Variants in EXOC2 observed in about 807,000 individuals in gnomAD.
EXOC2 encodes the protein SEC5-like 1.
A neutral mutation model predicts 131.8 loss-of-function variants in EXOC2; 70 were observed. The ratio of observed to expected loss-of-function variants is 0.53; its 90% CI spans 0.44 to 0.65. EXOC2 has a LOEUF of 0.65. Ranked by LOEUF, EXOC2 falls within the 30% of genes least tolerant of loss-of-function variation. The pLI, the probability that EXOC2 is intolerant of heterozygous loss-of-function variation, is 0.00. For missense variants in EXOC2, 923 were observed against 1,108.6 expected (o/e 0.83, Z 2.38); for synonymous variants, 411 against 398.4 (o/e 1.03, Z -0.38).
At chr6:546,898 C>T (rs144861790) in intron 22 of EXOC2, among the ~76,000 whole-genome samples, 1 of 152,286 alleles carries the variant, frequency 6.6e-6, no homozygotes, top group Non-Finnish European at 1.5e-5. Context: ...GGGTTGGCAC[C>T]CCAACCTCTG....
chr6:564,432 A>C, intron 15 of EXOC2, 113 bp downstream of exon 15: 1 of 1,431,832 alleles, frequency 7.0e-7, no homozygotes, highest in Non-Finnish European at 9.5e-7. Flanking sequence ...GTGGAGGCAA[A>C]AGGACAAAAA....
chr6:684,162 AGGGAGAAGGATGAGGTTAGGGAGG>A (rs1442636992), intron 1 of EXOC2, among the ~76,000 whole-genome samples: 1 of 151,896 alleles, frequency 6.6e-6, no homozygotes, highest in Non-Finnish European at 1.5e-5. Flanking sequence ...CAGCCCAGAG[AGGGAGAAGGATGAGGTTAGGGAGG>A]GGGAGACAGG....
intron 17 of EXOC2, among the ~76,000 whole-genome samples, chr6:558,065 G>A (rs1286839588): frequency 2.0e-5 from 3 of 152,156 alleles, no homozygotes; most frequent in African/African-American, 7.2e-5. Context: ...AAGCAGTTGT[G>A]TGCAAAACAC....
chr6:563,186 T>A (rs1217617988), intron 16 of EXOC2, among the ~76,000 whole-genome samples: 1 of 152,194 alleles, frequency 6.6e-6, no homozygotes, highest in Non-Finnish European at 1.5e-5. Flanking sequence ...CATACAGTAT[T>A]TTTTTTCCTA....
intron 17 of EXOC2, among the ~76,000 whole-genome samples, chr6:562,058 G>A (rs914759709): frequency 6.6e-6 from 1 of 152,308 alleles, no homozygotes; most frequent in Non-Finnish European, 1.5e-5. Context: ...GCCAGGCCAC[G>A]AGTGACCCCG....
intron 22 of EXOC2, among the ~76,000 whole-genome samples, chr6:534,527 T>C (rs4960043): frequency 0.48 from 72,973 of 152,130 alleles, 20,169 homozygotes; most frequent in South Asian, 0.71. Context: ...AGAACTGGTC[T>C]GACGTCAGAT....
chr6:656,513 G>C, intron 1 of EXOC2: 1 of 1,604,352 alleles, frequency 6.2e-7, no homozygotes, highest in Non-Finnish European at 8.5e-7. Context: ...GCGGCAGGCA[G>C]TCCCGCCACA....
chr6:673,868 T>C (rs181687461), intron 1 of EXOC2, among the ~76,000 whole-genome samples: 33 of 152,298 alleles, frequency 2.2e-4, no homozygotes, highest in Admixed American at 1.8e-3. Context: ...GGAAAAATGA[T>C]GCTGAGACAC....
chr6:500,294 T>A (rs919931784), intron 23 of EXOC2, among the ~76,000 whole-genome samples: 2 of 152,226 alleles, frequency 1.3e-5, no homozygotes, highest in African/African-American at 4.8e-5. Flanking sequence ...TGAATTTGAT[T>A]CTGTAAGCAA....
intron 22 of EXOC2, among the ~76,000 whole-genome samples, chr6:537,479 C>G (rs1020456557): frequency 6.6e-6 from 1 of 151,692 alleles, no homozygotes; most frequent in Admixed American, 6.6e-5. Flanking sequence ...GGAGCGTACA[C>G]TCAAGATGAT....
At chr6:500,101 A>AACAC (rs370940218) in intron 23 of EXOC2, among the ~76,000 whole-genome samples, 34 of 151,774 alleles carry the variant, frequency 2.2e-4, no homozygotes, top group African/African-American at 8.0e-4. Flanking sequence ...TATACTGTAA[A>AACAC]ACACACACAC....
At chr6:594,163 T>G (rs1447820706) in intron 10 of EXOC2, among the ~76,000 whole-genome samples, 2 of 152,356 alleles carry the variant, frequency 1.3e-5, no homozygotes, top group African/African-American at 4.8e-5. Context: ...TCCTCATAAA[T>G]GAGAATAGTA....
At chr6:663,433 T>C (rs1763504780) in intron 1 of EXOC2, among the ~76,000 whole-genome samples, 3 of 152,140 alleles carry the variant, frequency 2.0e-5, no homozygotes, top group South Asian at 4.1e-4. Context: ...CCCTAATTCA[T>C]TCTATGAAAC....
At chr6:505,437 C>CAA (rs1764488588) in intron 23 of EXOC2, among the ~76,000 whole-genome samples, 1 of 152,212 alleles carries the variant, frequency 6.6e-6, no homozygotes, top group Non-Finnish European at 1.5e-5. Context: ...ACTGAGTAGT[C>CAA]ACCTGGGGGC....
At chr6:514,629 C>T (rs1446105171) in intron 23 of EXOC2, among the ~76,000 whole-genome samples, 2 of 152,196 alleles carry the variant, frequency 1.3e-5, no homozygotes, top group South Asian at 2.1e-4. Context: ...AGCTGCAGGG[C>T]GAGGGCTGTG....
chr6:498,654 T>A (rs1444237363), intron 24 of EXOC2, among the ~76,000 whole-genome samples: 1 of 152,202 alleles, frequency 6.6e-6, no homozygotes, highest in Non-Finnish European at 1.5e-5. Flanking sequence ...CTAGCCAAAT[T>A]TAGGAACCAG....
chr6:619,427 A>C lies in EXOC2; in HGVS notation c.536+3T>G. The stretch of plus-strand genomic sequence containing the variant: ...CACAGTTGACAGTCCCATATCCACT[A>C]ACCTGGTGTTTGAGTGATTCTCTAT... On this transcript the variant is annotated splice_donor_region_variant and intron_variant, in intron 5 of 27. Coordinates refer to ENST00000230449, the MANE Select transcript of EXOC2 (RefSeq NM_018303.6). The C allele has an allele frequency of 6.2e-7, 1 of 1,609,464 alleles. No individual in the cohort carries two copies. The highest frequency in any genetic ancestry group is 1.7e-5 in the Admixed American group (1 of 60,010).
intron 17 of EXOC2, among the ~76,000 whole-genome samples, chr6:562,576 A>G (rs969386256): frequency 1.3e-5 from 2 of 152,242 alleles, no homozygotes; most frequent in Non-Finnish European, 2.9e-5. Context: ...GAAAAAGGTC[A>G]AGTCTAAAAG....
intron 23 of EXOC2, among the ~76,000 whole-genome samples, chr6:503,140 G>T (rs1041004043): frequency 6.6e-6 from 1 of 151,340 alleles, no homozygotes; most frequent in Non-Finnish European, 1.5e-5. Context: ...AAAGCTAATC[G>T]CTGAATTAAA....
Sources: allele counts gnomAD v4.1 joint callset (sites outside exome capture counted in the v4.1 genomes callset), GRCh38; gene constraint gnomAD v4.1.1; transcripts MANE v1.5; gene names NCBI Gene and HGNC (gene_info 2026-07-23, HGNC 2026-07-21).